NTRK3: variants seen among roughly 807,000 people sequenced by gnomAD.
NTRK3 encodes the protein NT-3 growth factor receptor.
In NTRK3, 24 loss-of-function variants were observed where a neutral mutation model predicts 91.7. The observed-to-expected ratio is 0.26, with a 90% CI of 0.19 to 0.37. The LOEUF (loss-of-function observed/expected upper bound fraction) is 0.37, where lower values mean the gene tolerates loss of function less well. Ranked by LOEUF, NTRK3 falls within the 10% of genes least tolerant of loss-of-function variation. The pLI, the probability that NTRK3 is intolerant of heterozygous loss-of-function variation, is 1.00. For missense variants in NTRK3, 880 were observed against 1,068.9 expected, an observed-to-expected ratio of 0.82 and a Z score of 2.46; for synonymous variants, 483 against 404.0, an observed-to-expected ratio of 1.20 and a Z score of -2.34.
intron 14 of NTRK3, among the ~76,000 whole-genome samples, chr15:87,975,125 T>C (rs531403275): frequency 6.6e-6 from 1 of 152,258 alleles, no homozygotes; most frequent in Admixed American, 6.5e-5. Context: ...ATAAGTTACA[T>C]AGAATTATTA....
intron 13 of NTRK3, among the ~76,000 whole-genome samples, chr15:88,069,837 G>GA (rs2046956190): frequency 6.6e-6 from 1 of 152,174 alleles, no homozygotes; most frequent in African/African-American, 2.4e-5. Context: ...CTGGCTTGGT[G>GA]AAAAGGCCAG....
intron 17 of NTRK3, among the ~76,000 whole-genome samples, chr15:87,924,188 G>A (rs188608882): frequency 1.4e-3 from 218 of 152,192 alleles, no homozygotes; most frequent in South Asian, 0.014. Flanking sequence ...GTAACTTGCC[G>A]AAGGTCATAC....
At chr15:88,006,434 G>A (rs151035850) in intron 14 of NTRK3, among the ~76,000 whole-genome samples, 125 of 152,308 alleles carry the variant, frequency 8.2e-4, no homozygotes, top group Middle Eastern at 3.4e-3. Flanking sequence ...CCAGGAGCCT[G>A]GGGAAAAAGG....
rs760422597 is a variant in NTRK3, at chr15:88,235,228, A to G, written c.248+20678T>C. ...ACTGAATTGTAAGGTCCCAGGCCAG[A>G]AACGTTGTGTCTTGCACATCACAGA... On this transcript the variant is annotated intron_variant, in intron 3 of 18. Coordinates refer to ENST00000394480, the Ensembl canonical transcript of NTRK3. The surrounding 1 kb of genome is among the most constrained non-coding windows in gnomAD (Gnocchi z 5.2). Among the ~76,000 whole-genome samples the G allele has an allele frequency of 4.6e-5, 7 of 152,214 alleles. No homozygotes were observed. Among genetic ancestry groups the G allele is most frequent in the Admixed American group, 1.3e-4 (2 of 15,288 alleles).
chr15:87,978,404 T>C (rs144175863), intron 14 of NTRK3: 15 of 228,962 alleles, frequency 6.6e-5, no homozygotes, highest in East Asian at 2.5e-4. Context: ...GCTGATTCCA[T>C]TGGGTTCCAA....
intron 13 of NTRK3, among the ~76,000 whole-genome samples, chr15:88,076,746 A>G (rs2047581388): frequency 6.6e-6 from 1 of 151,982 alleles, no homozygotes; most frequent in South Asian, 2.1e-4. Flanking sequence ...ACTATGAGAG[A>G]AAGCACAAAG....
intron 11 of NTRK3, among the ~76,000 whole-genome samples, chr15:88,127,794 A>C (rs2053447909): frequency 6.6e-6 from 1 of 152,178 alleles, no homozygotes; most frequent in Admixed American, 6.5e-5. Flanking sequence ...GGGCAGCTTA[A>C]GTTAAAAAAA....
chr15:88,094,311 A>G (rs571242965), intron 13 of NTRK3, among the ~76,000 whole-genome samples: 10 of 150,986 alleles, frequency 6.6e-5, no homozygotes, highest in Admixed American at 2.0e-4. Flanking sequence ...CTAAAAATAC[A>G]AAAAAAAATT....
chr15:88,081,238 A>C (rs1567356081), intron 13 of NTRK3, among the ~76,000 whole-genome samples: 1 of 152,138 alleles, frequency 6.6e-6, no homozygotes, highest in Non-Finnish European at 1.5e-5. Context: ...TAGGGCCTGG[A>C]TCCAATGACC....
chr15:88,114,323 C>A (rs113611692), intron 13 of NTRK3, among the ~76,000 whole-genome samples: 151 of 152,314 alleles, frequency 9.9e-4, no homozygotes, highest in African/African-American at 3.5e-3. Context: ...AATCCCACCA[C>A]CCAAAGATAA....
In NTRK3 at chr15:87,933,670, T is replaced by G. The variant is rs574816897; in HGVS notation, c.1717-486A>C. Among the ~76,000 whole-genome samples the G allele has an allele frequency of 1.1e-4, 17 of 152,372 alleles. No homozygotes were observed. In the East Asian group the frequency reaches 3.1e-3, roughly 28 times the overall value. On this transcript the variant is annotated intron_variant, in intron 15 of 18. Transcript: ENST00000394480. ...GGCAGGCAACACAATAAAATATCCT[T>G]GTCTTTTGGAGTCCTTGCTTTTAGA...
At chr15:88,153,677 G>C (rs1299547734) in intron 5 of NTRK3, among the ~76,000 whole-genome samples, 1 of 152,030 alleles carries the variant, frequency 6.6e-6, no homozygotes, top group Non-Finnish European at 1.5e-5. Context: ...CTTAGTTCTA[G>C]AGGTTAAGAG....
At chr15:87,929,225 A>G (rs1395868612) in exon 17 of NTRK3, 2 of 1,614,036 alleles carry the variant, frequency 1.2e-6, no homozygotes, top group Non-Finnish European at 8.5e-7. Flanking sequence ...ATCTCTGGAC[A>G]TGCCGAAGTC....
At chr15:88,142,145 C>T (rs1045035561) in intron 6 of NTRK3, among the ~76,000 whole-genome samples, 3 of 151,874 alleles carry the variant, frequency 2.0e-5, no homozygotes, top group Non-Finnish European at 2.9e-5. Context: ...AAGCAAAGAC[C>T]GGCACATCCT....
chr15:88,140,779 G>A (rs1284703123), intron 6 of NTRK3, among the ~76,000 whole-genome samples: 1 of 152,144 alleles, frequency 6.6e-6, no homozygotes, highest in African/African-American at 2.4e-5. Context: ...ATTGTCTCCT[G>A]AAAAGGTCTT....
chr15:88,156,182 T>A (rs888987671), intron 5 of NTRK3, among the ~76,000 whole-genome samples: 1 of 152,202 alleles, frequency 6.6e-6, no homozygotes, highest in African/African-American at 2.4e-5. Flanking sequence ...ACTCCAGTTG[T>A]CCCAGAGCAC....
intron 14 of NTRK3, among the ~76,000 whole-genome samples, chr15:87,999,823 G>A (rs1390787249): frequency 6.6e-6 from 1 of 152,146 alleles, no homozygotes; most frequent in Non-Finnish European, 1.5e-5. Flanking sequence ...GAGGGAGGGA[G>A]GAGGTATTTC....
chr15:88,242,502 C>T (rs867912911), intron 3 of NTRK3, among the ~76,000 whole-genome samples: 1 of 152,342 alleles, frequency 6.6e-6, no homozygotes, highest in African/African-American at 2.4e-5. Flanking sequence ...ATTCTGCCCC[C>T]GCTTCTCTTG....
At chr15:88,102,213 G>A (rs2050248431) in intron 13 of NTRK3, among the ~76,000 whole-genome samples, 1 of 152,144 alleles carries the variant, frequency 6.6e-6, no homozygotes, top group Non-Finnish European at 1.5e-5. Context: ...AGAAGCAAGA[G>A]ATGGTTCTTG....
Sources: gnomAD v4.1 joint callset for allele counts (sites outside exome capture counted in the v4.1 genomes callset) on GRCh38, gnomAD v4.1.1 for gene constraint, Gnocchi (gnomAD v3.1) non-coding constraint, MANE v1.5 for transcripts, NCBI Gene and HGNC (gene_info 2026-07-23, HGNC 2026-07-21) for gene names.